The following TM6SF2 variants were observed in gnomAD, a reference collection of about 807,000 sequenced individuals.
TM6SF2 encodes the protein transmembrane 6 superfamily member 2.
Under a neutral mutation model 41.0 loss-of-function variants are expected in TM6SF2, and 29 were observed. That is an observed-to-expected ratio of 0.71 (90% CI 0.53 to 0.96). TM6SF2 has a LOEUF of 0.96. TM6SF2 is among the 50% of genes least tolerant of loss of function. TM6SF2 has a pLI of 0.00. For synonymous variants in TM6SF2, 200 were observed against 209.1 expected (o/e 0.96, Z 0.37); for missense variants, 475 against 499.0 (o/e 0.95, Z 0.46).
intron 9 of TM6SF2, among the ~76,000 whole-genome samples, chr19:19,266,179 C>A (rs948734301): frequency 2.6e-5 from 4 of 152,154 alleles, no homozygotes; most frequent in Non-Finnish European, 4.4e-5. Context: ...GTGCTGTTCC[C>A]ATTCCTGGAA....
chr19:19,270,203 T>C lies in TM6SF2; in HGVS notation c.371A>G (p.Tyr124Cys). ...GCAGATGGCGCCGGCCATGGCCAGG[T>C]AGAGGAGGTAGTGAACAGTGCCATC... ...YWDGTVHYLLYLAMAGAICRR... is the reference protein window; with the variant it reads ...YWDGTVHYLLCLAMAGAICRR... The change falls in exon 4 of 10, where the codon TAC becomes TGC. Residue 124 changes from tyrosine (Y) to cysteine (C), a missense_variant. Physicochemically the swap from Tyr to Cys is radical, Grantham distance 194 (BLOSUM62 -2). This residue lies in a region of TM6SF2 where 238 missense variants were observed against 228.6 expected (regional missense o/e 1.04). Coordinates refer to ENST00000389363, the MANE Select transcript of TM6SF2 (RefSeq NM_001001524.3). 6.2e-7 allele frequency: 1 copy of C among 1,613,964 alleles called. No homozygotes were observed. Among genetic ancestry groups the C allele is most frequent in the Non-Finnish European group, 8.5e-7 (1 of 1,180,002 alleles).
Position 19,269,771 on chromosome 19 carries a change from T to C in TM6SF2, c.402-2A>G. 2 of 1,614,062 alleles carry C rather than the reference T, an allele frequency of 1.2e-6. No individual in the cohort carries two copies. The highest frequency in any genetic ancestry group is 1.7e-6 in the Non-Finnish European group (2 of 1,179,986). On this transcript the variant is annotated splice_acceptor_variant, in intron 4 of 9. Coordinates refer to ENST00000389363, the MANE Select transcript of TM6SF2 (RefSeq NM_001001524.3). LOFTEE classifies it high-confidence loss of function. ...AGTCCAAAATTCCGGTATCTCTTCC[T>C]GAGCAGGGGATGGAGGGGTGACCAG...
rs188445368 is a variant in TM6SF2 at position 19,270,246 on chromosome 19, C to T, written c.328G>A (p.Val110Ile). The change falls in exon 4 of 10, where the codon GTC (valine) becomes ATC (isoleucine). Residue 110 changes from valine (V) to isoleucine (I), a missense_variant. By Grantham distance (29) the Val-to-Ile change is conservative. Coordinates refer to ENST00000389363, the MANE Select transcript of TM6SF2 (RefSeq NM_001001524.3). ...GEPYLRTAHG[V>I]FICYWDGTVH... ...GTGCCATCCCAGTAGCAGATGAAGA[C>T]TCCGTGCGCTGTGCGCAGGTATGGC... is the stretch of plus-strand genomic sequence containing the variant. 3.9e-5 allele frequency: 63 copies of T among 1,614,240 alleles called. No homozygotes were observed. In the South Asian group the frequency reaches 4.1e-4, roughly 10 times the overall value.
Position 19,266,473 on chromosome 19 carries a change from C to T in TM6SF2, c.924+17G>A. ...TCCCTCCCACATGCCTGCTCACCCA[C>T]CCATCCGCCACCTCACCTGGCCGAT... is the stretch of plus-strand genomic sequence containing the variant. On this transcript the variant is annotated intron_variant, in intron 9 of 9. Coordinates refer to ENST00000389363, the MANE Select transcript of TM6SF2 (RefSeq NM_001001524.3). 1 of 1,613,178 alleles carries T rather than the reference C, an allele frequency of 6.2e-7. No homozygotes were observed.
intron 1 of TM6SF2, 127 bp downstream of exon 1, chr19:19,272,993 TG>T: frequency 1.5e-6 from 1 of 688,698 alleles, no homozygotes; most frequent in Non-Finnish European, 2.2e-6. Flanking sequence ...GGAGCTGAGC[TG>T]GGGCGCAGGG....
chr19:19,265,038 G>GGT (rs2060998101), intron 9 of TM6SF2, among the ~76,000 whole-genome samples, 165 bp from the exon 10 acceptor site: 1 of 121,054 alleles, frequency 8.3e-6, no homozygotes, highest in Admixed American at 8.4e-5. Flanking sequence ...CCATCTATCT[G>GGT]TTTTTTTTTT....
Position 19,273,166 on chromosome 19 carries a change from G to C in TM6SF2, c.50C>G (p.Ala17Gly). The C allele has an allele frequency of 6.8e-7, 1 of 1,480,224 alleles. No individual in the cohort carries two copies. The allele number at this position is 1,480,224 out of a possible 1,614,324, so 91.7% of individuals were successfully genotyped here. A position where few individuals can be genotyped will look rare whatever the true frequency, so the allele number is the denominator to read the frequency against. Reference protein sequence around the residue: ...AGKIAALSLSALPVSYALNHV... With the variant: ...AGKIAALSLSGLPVSYALNHV... ...GTTGAGCGCGTAGGACACCGGGAGG[G>C]CGCTCAGCGACAGCGCCGCGATCTT... is the stretch of plus-strand genomic sequence containing the variant. Residue 17 changes from alanine to glycine, a missense_variant, in exon 1 of 10, where the codon GCC becomes GGC. By Grantham distance (60) the Ala-to-Gly change is moderately conservative (BLOSUM62 0). This residue lies in a region of TM6SF2 where 238 missense variants were observed against 228.6 expected (regional missense o/e 1.04). Transcript: ENST00000389363.
chr19:19,271,155 C>G, intron 1 of TM6SF2, 30 bp from the exon 2 acceptor site: 1 of 1,575,806 alleles, frequency 6.3e-7, no homozygotes, highest in Non-Finnish European at 8.7e-7. Context: ...GTCAGGGAGG[C>G]CAGGCCCAGT....
intron 9 of TM6SF2, among the ~76,000 whole-genome samples, chr19:19,265,403 TATCC>T (rs67971690): frequency 0.16 from 20,197 of 129,574 alleles, 1,489 homozygotes; most frequent in African/African-American, 0.23. Flanking sequence ...TCTATCTATC[TATCC>T]ATCCATCCAT....
chr19:19,267,572 G>T, intron 8 of TM6SF2, 49 bp downstream of exon 8: 2 of 1,396,110 alleles, frequency 1.4e-6, no homozygotes, highest in South Asian at 1.2e-5. Flanking sequence ...AGGCCCAGTG[G>T]ACCCCTACCC....
At chr19:19,271,191 G>A (rs1311440952) in intron 1 of TM6SF2, 66 bp from the exon 2 acceptor site, 1 of 1,283,470 alleles carries the variant, frequency 7.8e-7, no homozygotes. Context: ...CACTCTCCCT[G>A]GTGGGGGAAG....
intron 5 of TM6SF2, 123 bp downstream of exon 5, chr19:19,269,564 A>C: frequency 1.7e-6 from 2 of 1,190,022 alleles, no homozygotes; most frequent in East Asian, 2.4e-5. Context: ...TGGACACGCA[A>C]AGAGGGAGGT....
intron 5 of TM6SF2, 59 bp from the exon 6 acceptor site, chr19:19,268,813 T>C (rs1362419332): frequency 1.3e-6 from 2 of 1,515,974 alleles, no homozygotes; most frequent in Non-Finnish European, 1.8e-6. Flanking sequence ...GACATCTGTT[T>C]GTTTGTTTGT....
At chr19:19,270,094 C>G (rs1568612763) in intron 4 of TM6SF2, 79 bp downstream of exon 4, 1 of 1,585,530 alleles carries the variant, frequency 6.3e-7, no homozygotes, top group Non-Finnish European at 8.6e-7. Flanking sequence ...ACTTCTGGCT[C>G]CACCCTGCCC....
chr19:19,264,685 G>A lies in TM6SF2; in HGVS notation c.1113C>T (p.Ala371=), dbSNP rs1257027033. The A allele has an allele frequency of 6.4e-7, 1 of 1,553,060 alleles. No homozygotes were observed. Among genetic ancestry groups the A allele is most frequent in the Admixed American group, 1.8e-5 (1 of 54,178 alleles). The part of the protein sequence containing the change: ...FHQPPPSDPL[A]LHKKQH ...TCTCTCAATGCTGCTTCTTGTGGAG[G>A]GCTAGGGGGTCGGAGGGTGGTGGCT... is the stretch of plus-strand genomic sequence containing the variant. Residue 371 remains alanine (A), a synonymous_variant, in exon 10 of 10, where the codon GCC becomes GCT. Transcript: ENST00000389363.
intron 6 of TM6SF2, among the ~76,000 whole-genome samples, 196 bp from the exon 7 acceptor site, chr19:19,268,283 G>A (rs1046285797): frequency 6.9e-6 from 1 of 144,940 alleles, no homozygotes; most frequent in African/African-American, 2.6e-5. Flanking sequence ...TCAGCTCACT[G>A]CAGCCTTAAT....
Position 19,266,615 on chromosome 19 carries a change from G to A in TM6SF2, c.805-6C>T, listed in dbSNP as rs1487685381. On this transcript the variant is annotated splice_polypyrimidine_tract_variant and splice_region_variant and intron_variant, in intron 8 of 9. Transcript: ENST00000389363. ...TAAAACATGTACATCAGCATCTGCA[G>A]GGGCGGGAGGAGAGGGGCACCAGCC... The A allele has an allele frequency of 8.7e-6, 14 of 1,610,466 alleles. No individual in the cohort carries two copies. The highest frequency in any genetic ancestry group is 1.2e-5 in the Non-Finnish European group (14 of 1,178,152).
chr19:19,270,149 C>T (rs1312838349), intron 4 of TM6SF2, 24 bp downstream of exon 4: 4 of 1,613,146 alleles, frequency 2.5e-6, no homozygotes, highest in South Asian at 1.1e-5. Flanking sequence ...GGGTCAGGGG[C>T]CACCCTCTCC....
chr19:19,270,770 CTT>C (rs1364018122), intron 2 of TM6SF2, among the ~76,000 whole-genome samples: 2 of 152,196 alleles, frequency 1.3e-5, no homozygotes, highest in Non-Finnish European at 2.9e-5. Context: ...GCAGTATACT[CTT>C]TTTCAGGAGC....
Sources: gnomAD v4.1 joint callset for allele counts (sites outside exome capture counted in the v4.1 genomes callset) on GRCh38, gnomAD v4.1.1 for gene constraint, gnomAD v4.1.1 regional missense constraint, MANE v1.5 for transcripts, NCBI Gene and HGNC (gene_info 2026-07-23, HGNC 2026-07-21) for gene names.